Variants in AGR3 observed in about 807,000 individuals in gnomAD.
AGR3 encodes anterior gradient 3, protein disulphide isomerase family member, also known as anterior gradient protein 3.
AGR3 carries 37 observed loss-of-function variants against 24.5 expected under a neutral mutation model. That is an observed-to-expected ratio of 1.51 (90% CI 1.16 to 1.99). The LOEUF is 1.99. Ranked by LOEUF, AGR3 falls within the 30% of genes most tolerant of loss-of-function variation. The pLI is 0.00. For missense variants in AGR3, 228 were observed against 191.1 expected, an observed-to-expected ratio of 1.19 and a Z score of -1.14; for synonymous variants, 75 against 61.6, an observed-to-expected ratio of 1.22 and a Z score of -1.02.
chr7:16,863,765 T>C (rs1161158030), intron 3 of AGR3, among the ~76,000 whole-genome samples: 1 of 152,008 alleles, frequency 6.6e-6, no homozygotes, highest in African/African-American at 2.4e-5. Context: ...CTTATTAGTC[T>C]CCCCAAAGAT....
rs1781599901 is a variant in AGR3 at position 16,859,512 on chromosome 7, T to C, written c.*70A>G. The C allele has an allele frequency of 9.8e-7, 1 of 1,024,052 alleles. No homozygotes were observed. The highest frequency in any genetic ancestry group is 1.6e-5 in the African/African-American group (1 of 62,970). 63.4% of individuals were successfully genotyped at this position (1,024,052 alleles called of 1,614,324 possible). A position where few individuals can be genotyped will look rare whatever the true frequency, so the allele number is the denominator to read the frequency against. On this transcript the variant is annotated 3_prime_UTR_variant, in exon 8 of 8. Coordinates refer to ENST00000310398, the MANE Select transcript of AGR3 (RefSeq NM_176813.5). ...TCTATATACTTGCACATTTAGTATT[T>C]GTCAATGTGCCAGAGGTTTTCTTCA...
chr7:16,876,051 A>G (rs759600153), intron 2 of AGR3, among the ~76,000 whole-genome samples: 4 of 152,216 alleles, frequency 2.6e-5, no homozygotes, highest in African/African-American at 7.2e-5. Context: ...CACAAACAGT[A>G]AAGGAACATC....
At chr7:16,856,540 T>C (rs1360229647), downstream of AGR3, among the ~76,000 whole-genome samples, 1 of 152,234 alleles carries the variant, frequency 6.6e-6, no homozygotes, top group East Asian at 1.9e-4. Context: ...TAAATTTAAC[T>C]GGATGTCCTG....
At chr7:16,878,789 C>G (rs1016242636) in intron 1 of AGR3, 144 bp from the exon 2 acceptor site, 3 of 577,564 alleles carry the variant, frequency 5.2e-6, no homozygotes, top group African/African-American at 3.7e-5. Context: ...CCACATAGAA[C>G]TTTCATTCAC....
chr7:16,865,239 C>G, intron 3 of AGR3: 1 of 810,292 alleles, frequency 1.2e-6, no homozygotes, highest in Non-Finnish European at 2.1e-6. Flanking sequence ...TAAAGACATT[C>G]TTTTTTTCCT....
rs568534321 is a variant in AGR3, at chr7:16,872,696, C to G, written c.173+1084G>C. Among the ~76,000 whole-genome samples the G allele has an allele frequency of 9.9e-5, 15 of 152,260 alleles. No individual in the cohort carries two copies. The South Asian group carries it at 1.5e-3, about 15-fold the overall frequency. ...TAGAATAGGAGAAATTATTTGCAAA[C>G]TATTCATTCGACATGGGCCTATATC... On this transcript the variant is annotated intron_variant, in intron 3 of 7. Coordinates refer to ENST00000310398, the MANE Select transcript of AGR3 (RefSeq NM_176813.5).
At chr7:16,876,893 A>G (rs1781995243) in intron 2 of AGR3, among the ~76,000 whole-genome samples, 1 of 152,212 alleles carries the variant, frequency 6.6e-6, no homozygotes, top group Admixed American at 6.5e-5. Context: ...TGCTTAATGC[A>G]GACATGGAAA....
At chr7:16,872,187 T>C (rs1342294869) in intron 3 of AGR3, among the ~76,000 whole-genome samples, 2 of 152,126 alleles carry the variant, frequency 1.3e-5, no homozygotes, top group Non-Finnish European at 2.9e-5. Context: ...GCAGGCATCA[T>C]ACTACTTGAC....
chr7:16,868,922 T>G (rs1212828272), intron 3 of AGR3, among the ~76,000 whole-genome samples: 1 of 152,216 alleles, frequency 6.6e-6, no homozygotes, highest in Non-Finnish European at 1.5e-5. Flanking sequence ...AGATAGTTGA[T>G]ATAATTTAAG....
intron 1 of AGR3, among the ~76,000 whole-genome samples, chr7:16,879,926 ATTATACTG>A (rs1379720622): frequency 1.3e-5 from 2 of 152,058 alleles, no homozygotes; most frequent in Non-Finnish European, 2.9e-5. Flanking sequence ...CATTCCTCCC[ATTATACTG>A]TTTTCCCCTT....
At chr7:16,860,079 G>T (rs1039788983) in intron 7 of AGR3, among the ~76,000 whole-genome samples, 1 of 142,290 alleles carries the variant, frequency 7.0e-6, no homozygotes, top group African/African-American at 2.7e-5. Context: ...AACATACCAA[G>T]ACCCTGTCTC....
chr7:16,880,682 A>C (rs117351380), intron 1 of AGR3, among the ~76,000 whole-genome samples: 4,511 of 151,932 alleles, frequency 0.03, 104 homozygotes, highest in Non-Finnish European at 0.047. Flanking sequence ...AAGTTCTCAT[A>C]ACTTATTAAA....
chr7:16,879,414 T>A (rs979805665), intron 1 of AGR3, among the ~76,000 whole-genome samples: 1 of 152,206 alleles, frequency 6.6e-6, no homozygotes, highest in African/African-American at 2.4e-5. Context: ...AAGTCCAAAG[T>A]TGGGCCTGAT....
chr7:16,877,634 C>A (rs1013857194), intron 2 of AGR3, among the ~76,000 whole-genome samples: 1 of 151,798 alleles, frequency 6.6e-6, no homozygotes, highest in Non-Finnish European at 1.5e-5. Context: ...GAGGCCGAGG[C>A]GGGCGGATCA....
At chr7:16,860,086 T>C (rs911543668) in intron 7 of AGR3, among the ~76,000 whole-genome samples, 3 of 121,374 alleles carry the variant, frequency 2.5e-5, no homozygotes, top group African/African-American at 9.7e-5. Flanking sequence ...CAAGACCCTG[T>C]CTCTACAAAA....
At chr7:16,881,871 A>G (rs748193910) in intron 1 of AGR3, 73 bp downstream of exon 1, 1 of 467,400 alleles carries the variant, frequency 2.1e-6, no homozygotes, top group Non-Finnish European at 4.4e-6. Flanking sequence ...ACTTTTAAAT[A>G]GCAAAAGGTG....
At chr7:16,868,375 G>A (rs561373807) in intron 3 of AGR3, among the ~76,000 whole-genome samples, 57 of 152,196 alleles carry the variant, frequency 3.7e-4, no homozygotes, top group Non-Finnish European at 7.5e-4. Flanking sequence ...GGCTAGTCTC[G>A]AACTCCCGAC....
chr7:16,857,528 A>G (rs1171960798), downstream of AGR3, among the ~76,000 whole-genome samples: 1 of 152,198 alleles, frequency 6.6e-6, no homozygotes, highest in Non-Finnish European at 1.5e-5. Flanking sequence ...CAACCATGGA[A>G]TCAGCTATAT....
chr7:16,860,309 T>A (rs1282390820), intron 7 of AGR3, 191 bp downstream of exon 7: 16 of 534,462 alleles, frequency 3.0e-5, no homozygotes, highest in Admixed American at 6.6e-5. Context: ...CCCTTAGACA[T>A]CCCTGTTAAA....
Sources: gnomAD v4.1 joint callset for allele counts (sites outside exome capture counted in the v4.1 genomes callset) on GRCh38, gnomAD v4.1.1 for gene constraint, MANE v1.5 for transcripts, NCBI Gene and HGNC (gene_info 2026-07-23, HGNC 2026-07-21) for gene names.